TNFAIP8: variants seen among roughly 807,000 people sequenced by gnomAD.
TNFAIP8 encodes tumor necrosis factor alpha-induced protein 8.
TNFAIP8 carries 7 observed loss-of-function variants against 13.3 expected under a neutral mutation model. The ratio of observed to expected loss-of-function variants is 0.52; its 90% CI spans 0.30 to 0.99. The LOEUF (loss-of-function observed/expected upper bound fraction) is 0.99, where lower values mean the gene tolerates loss of function less well. Among genes scored for constraint, TNFAIP8 ranks in the 50% least tolerant of loss-of-function variants. The pLI is 0.07. For synonymous variants in TNFAIP8, 94 were observed against 87.6 expected (o/e 1.07, Z -0.41); for missense variants, 258 against 236.9 (o/e 1.09, Z -0.58).
chr5:119,376,313 C>T (rs967237881), intron 1 of TNFAIP8, among the ~76,000 whole-genome samples: 7 of 151,900 alleles, frequency 4.6e-5, no homozygotes, highest in Non-Finnish European at 1.0e-4. Flanking sequence ...TGGGCTTTCA[C>T]CATGCTGGCC....
chr5:119,392,829 CT>C lies in TNFAIP8; in HGVS notation c.48del (p.Phe16LeufsTer27). 6.5e-7 allele frequency: 1 copy of C among 1,533,456 alleles called. No individual in the cohort carries two copies. The highest frequency in any genetic ancestry group is 2.5e-5 in the East Asian group (1 of 40,674). The allele number at this position is 1,533,456 out of a possible 1,614,324, so 95.0% of individuals were successfully genotyped here. ...EESKEVATDV[F>X]NSKNLAVQAQ... ...TTTTTTTTTTAGTGGCCACAGATGT[CT>C]TTAATTCCAAAAACCTGGCCGTTCA... On this transcript the variant is annotated frameshift_variant, in exon 2 of 2. Coordinates refer to ENST00000504771, the MANE Select transcript of TNFAIP8 (RefSeq NM_014350.4). LOFTEE classifies it high-confidence loss of function.
chr5:119,278,603 T>C (rs769639625), intron 1 of TNFAIP8, among the ~76,000 whole-genome samples: 3 of 151,734 alleles, frequency 2.0e-5, no homozygotes, highest in Admixed American at 6.6e-5. Flanking sequence ...TTGTGGGAGG[T>C]TGGCTGTGCC....
At chr5:119,365,694 T>G (rs1751824165) in intron 1 of TNFAIP8, among the ~76,000 whole-genome samples, 1 of 152,236 alleles carries the variant, frequency 6.6e-6, no homozygotes, top group South Asian at 2.1e-4. Flanking sequence ...TTCTTATTAT[T>G]AAGCACTTAC....
In TNFAIP8 at chr5:119,393,393, A is replaced by G. The variant is rs769393243; in HGVS notation, c.*12A>G. 1.2e-6 allele frequency: 2 copies of G among 1,602,646 alleles called. No individual in the cohort carries two copies. Among genetic ancestry groups the G allele is most frequent in the Non-Finnish European group, 1.7e-6 (2 of 1,172,324 alleles). On this transcript the variant is annotated 3_prime_UTR_variant, in exon 2 of 2. Transcript: ENST00000504771. ...AAGAGAACATATGAGCACATGAGTT[A>G]AGATTGTGACTGATCATGATTTATT... is the stretch of plus-strand genomic sequence containing the variant.
intron 1 of TNFAIP8, among the ~76,000 whole-genome samples, chr5:119,302,630 T>G (rs962160401): frequency 6.6e-6 from 1 of 152,208 alleles, no homozygotes; most frequent in Non-Finnish European, 1.5e-5. Flanking sequence ...GGACATTTCG[T>G]GAGCTCATCT....
chr5:119,274,192 A>G (rs574177639), intron 1 of TNFAIP8, among the ~76,000 whole-genome samples: 5 of 152,282 alleles, frequency 3.3e-5, no homozygotes, highest in Admixed American at 1.3e-4. Context: ...CAGACACGAA[A>G]AAAAATGCCA....
intron 1 of TNFAIP8, among the ~76,000 whole-genome samples, chr5:119,328,546 T>A (rs1036414820): frequency 6.6e-6 from 1 of 152,132 alleles, no homozygotes; most frequent in African/African-American, 2.4e-5. Context: ...GACACACAGA[T>A]GAGAAGACAG....
rs141007199 is a variant in TNFAIP8 at position 119,379,618 on chromosome 5, G to T, written c.32-13198G>T. Among the ~76,000 whole-genome samples, 541 of 152,048 alleles carry T rather than the reference G, an allele frequency of 3.6e-3. 2 individuals are homozygous for T. The highest frequency in any genetic ancestry group is 0.013 in the African/African-American group (521 of 41,466). On this transcript the variant is annotated intron_variant, in intron 1 of 1. Coordinates refer to ENST00000504771, the MANE Select transcript of TNFAIP8 (RefSeq NM_014350.4). ...TTTATTTGATTTGATTTGAGACAGG[G>T]TCTCATCTGTCACTCAGGCTGGAGT...
At chr5:119,323,366 CCCTCAAGCACATT>C (rs1342304266) in intron 1 of TNFAIP8, among the ~76,000 whole-genome samples, 1 of 152,096 alleles carries the variant, frequency 6.6e-6, no homozygotes, top group Non-Finnish European at 1.5e-5. Flanking sequence ...ATATCTGCCT[CCCTCAAGCACATT>C]CCCACCCCAC....
In TNFAIP8 at chr5:119,397,051, T is replaced by C. The variant is rs533875436; in HGVS notation, c.*3670T>C. ...TAAGAACTTTGATCGTACAGAAATA[T>C]TGCGTTTTAAACTCTTATATAATAG... On this transcript the variant is annotated 3_prime_UTR_variant, in exon 2 of 2. Transcript: ENST00000504771. 6.7e-6 allele frequency: 1 copy of C among 148,790 alleles called. No individual in the cohort carries two copies. The highest frequency in any genetic ancestry group is 2.0e-4 in the East Asian group (1 of 5,110). The allele number at this position is 148,790 out of a possible 1,614,324, so 9.2% of individuals were successfully genotyped here.
At chr5:119,309,386 C>T (rs1338768592) in intron 1 of TNFAIP8, among the ~76,000 whole-genome samples, 1 of 152,148 alleles carries the variant, frequency 6.6e-6, no homozygotes, top group Non-Finnish European at 1.5e-5. Flanking sequence ...AGATTTCAAT[C>T]CTTTTTTGGT....
chr5:119,312,343 C>G (rs957321058), intron 1 of TNFAIP8, among the ~76,000 whole-genome samples: 11 of 152,230 alleles, frequency 7.2e-5, no homozygotes, highest in Non-Finnish European at 7.4e-5. Context: ...AAGCACTGAC[C>G]TCATATCACG....
chr5:119,323,036 G>C (rs7722699), intron 1 of TNFAIP8, among the ~76,000 whole-genome samples: 1 of 152,032 alleles, frequency 6.6e-6, no homozygotes, highest in Non-Finnish European at 1.5e-5. Flanking sequence ...TGCCCAATCA[G>C]TTGTCAGTAT....
In TNFAIP8 at chr5:119,342,546, ACT is replaced by A. The variant is rs796277661; in HGVS notation, c.2-50264_2-50263del. On this transcript the variant is annotated intron_variant, in intron 1 of 1. Transcript: ENST00000274456. ...TTTGATAATGCTTTCTCCTCAGGGT[ACT>A]CTCTCAACTTACTCCCTTCAGGAAA... Among the ~76,000 whole-genome samples the A allele has an allele frequency of 2.9e-4, 44 of 152,036 alleles. 1 individual carries two copies. Among genetic ancestry groups the A allele is most frequent in the African/African-American group, 9.4e-4 (39 of 41,464 alleles).
chr5:119,290,071 C>A (rs1443496364), intron 1 of TNFAIP8, among the ~76,000 whole-genome samples: 6 of 151,812 alleles, frequency 4.0e-5, no homozygotes, highest in Admixed American at 3.3e-4. Context: ...GAAAGAAATT[C>A]TCTGCCCTCT....
In TNFAIP8 at chr5:119,323,533, T is replaced by C. The variant is rs575982912; in HGVS notation, c.1+54626T>C. On this transcript the variant is annotated intron_variant, in intron 1 of 1. Coordinates refer to the TNFAIP8 transcript ENST00000274456. ...ATTTTAATTGTATGTCCTCACATTT[T>C]AATTTAATTTACCTTAAAAATGTAA... Among the ~76,000 whole-genome samples the C allele has an allele frequency of 2.6e-5, 4 of 152,366 alleles. No individual in the cohort carries two copies. The South Asian group carries it at 8.3e-4, about 32-fold the overall frequency.
chr5:119,376,562 A>C lies in TNFAIP8; in HGVS notation c.32-16254A>C, dbSNP rs552704742. 3.8e-3 allele frequency among the ~76,000 whole-genome samples: 490 copies of C among 129,270 alleles called. 6 individuals are homozygous for C. Among genetic ancestry groups the C allele is most frequent in the Admixed American group, 0.021 (264 of 12,472 alleles). The allele number at this position is 129,270 out of a possible 152,430, so 84.8% of individuals were successfully genotyped here. On this transcript the variant is annotated intron_variant, in intron 1 of 1. Coordinates refer to ENST00000504771, the MANE Select transcript of TNFAIP8 (RefSeq NM_014350.4). ...AAAAATCAGTATTCATTGTCTTCCC[A>C]CCCCCCCCGTCTTTCTGCTCCCCCA...
intron 1 of TNFAIP8, among the ~76,000 whole-genome samples, chr5:119,360,206 G>A (rs1751580910): frequency 6.6e-6 from 1 of 152,164 alleles, no homozygotes; most frequent in African/African-American, 2.4e-5. Flanking sequence ...GGTGATCCAG[G>A]AAGTAGCCAA....
Position 119,393,258 on chromosome 5 carries a change from G to C in TNFAIP8, c.474G>C (p.Val158=), listed in dbSNP as rs3203922. ...AGTCACATGGACGGGTTAATAATGT[G>C]TTTGATCATTTTTCAGATTGTGAAT... ...TAKSHGRVNN[V]FDHFSDCEFL... Residue 158 remains valine (V), a synonymous_variant, in exon 2 of 2, where the codon GTG becomes GTC. Transcript: ENST00000504771. 446,622 of 1,613,636 alleles carry C rather than the reference G, an allele frequency of 0.28. 63,118 individuals carry two copies. Among genetic ancestry groups the C allele is most frequent in the African/African-American group, 0.4 (29,827 of 74,900 alleles).
Sources: gnomAD v4.1 joint callset for allele counts (sites outside exome capture counted in the v4.1 genomes callset) on GRCh38, gnomAD v4.1.1 for gene constraint, MANE v1.5 for transcripts, NCBI Gene and HGNC (gene_info 2026-07-23, HGNC 2026-07-21) for gene names.